The following PKHD1 variants were observed in gnomAD, a reference collection of about 807,000 sequenced individuals.
PKHD1 encodes the protein fibrocystin.
PKHD1 carries 291 observed loss-of-function variants against 412.0 expected under a neutral mutation model. The ratio of observed to expected loss-of-function variants is 0.71; its 90% confidence interval spans 0.64 to 0.78. PKHD1 has a LOEUF of 0.78. Ranked by LOEUF, PKHD1 falls within the 30% of genes least tolerant of loss-of-function variation. PKHD1 has a pLI of 0.00. For missense variants in PKHD1, 4,825 were observed against 4,950.7 expected (o/e 0.97, Z 0.76); for synonymous variants, 1,777 against 1,821.5 (o/e 0.98, Z 0.62).
intron 13 of PKHD1, among the ~76,000 whole-genome samples, chr6:52,064,485 T>C (rs1350331881): frequency 2.6e-5 from 4 of 152,202 alleles, no homozygotes; most frequent in Non-Finnish European, 5.9e-5. Context: ...AGCAGACAGA[T>C]GCCCACAAGA....
In PKHD1 at chr6:51,992,764, T is replaced by C. The variant is rs965685064; in HGVS notation, c.5751+17545A>G. Among the ~76,000 whole-genome samples, 2 of 152,232 alleles carry C rather than the reference T, an allele frequency of 1.3e-5. 1 individual carries two copies. Among genetic ancestry groups the C allele is most frequent in the South Asian group, 4.1e-4 (2 of 4,834 alleles). On this transcript the variant is annotated intron_variant, in intron 35 of 66. Coordinates refer to ENST00000371117, the MANE Select transcript of PKHD1 (RefSeq NM_138694.4). ...CCAGGAGCAGTGCATTGTTAACTTA[T>C]CAGACACATTAATAAATTCCTATCT...
chr6:51,685,664 C>T (rs1368915657), intron 60 of PKHD1, among the ~76,000 whole-genome samples: 1 of 152,070 alleles, frequency 6.6e-6, no homozygotes, highest in Admixed American at 6.6e-5. Context: ...TAACCTAAGG[C>T]CCCTTGCCAG....
chr6:51,662,174 T>C (rs1037763943), intron 60 of PKHD1, among the ~76,000 whole-genome samples: 19 of 151,780 alleles, frequency 1.3e-4, no homozygotes, highest in Admixed American at 3.9e-4. Flanking sequence ...TAGTGTTAAA[T>C]GCTCATATAA....
chr6:52,002,167 C>T (rs1023374573), intron 35 of PKHD1, among the ~76,000 whole-genome samples: 1 of 150,372 alleles, frequency 6.7e-6, no homozygotes, highest in Non-Finnish European at 1.5e-5. Flanking sequence ...CTCACAACTA[C>T]TATATCATAA....
chr6:51,984,941 G>A (rs995874416), intron 35 of PKHD1, among the ~76,000 whole-genome samples: 3 of 151,338 alleles, frequency 2.0e-5, no homozygotes, highest in African/African-American at 7.3e-5. Flanking sequence ...TACAACTAGA[G>A]AAAAAATAAG....
intron 21 of PKHD1, among the ~76,000 whole-genome samples, 200 bp downstream of exon 21, chr6:52,052,876 G>T (rs1018306225): frequency 6.6e-6 from 1 of 151,960 alleles, no homozygotes; most frequent in South Asian, 2.1e-4. Context: ...AAAATCGTGG[G>T]GAAAATAGGA....
chr6:51,989,240 A>G (rs1343609646), intron 35 of PKHD1, among the ~76,000 whole-genome samples: 1 of 152,238 alleles, frequency 6.6e-6, no homozygotes. Flanking sequence ...AAAAACTTAT[A>G]CTAATTAAAG....
chr6:51,768,331 T>A (rs1211807717), intron 55 of PKHD1, among the ~76,000 whole-genome samples: 1 of 152,064 alleles, frequency 6.6e-6, no homozygotes, highest in African/African-American at 2.4e-5. Flanking sequence ...GTATTAGATT[T>A]GACATCTTTA....
At chr6:51,794,971 C>A (rs778006337) in intron 52 of PKHD1, among the ~76,000 whole-genome samples, 1 of 152,232 alleles carries the variant, frequency 6.6e-6, no homozygotes, top group African/African-American at 2.4e-5. Flanking sequence ...ATGCCTCTAG[C>A]TTTTCTCTTT....
In PKHD1 at chr6:51,937,679, A is replaced by G. The variant is rs1052589661; in HGVS notation, c.5909-3357T>C. 2.6e-5 allele frequency among the ~76,000 whole-genome samples: 4 copies of G among 152,184 alleles called. No individual in the cohort carries two copies. The East Asian group carries it at 5.8e-4, about 22-fold the overall frequency. ...TCAAGGACCTTTTCTTTCAGTCACA[A>G]TTTAGAATGACACACCCCGCATAGG... is the stretch of plus-strand genomic sequence containing the variant. On this transcript the variant is annotated intron_variant, in intron 36 of 66. Transcript: ENST00000371117.
At chr6:51,649,810 T>C (rs624699) in intron 61 of PKHD1, among the ~76,000 whole-genome samples, 131,606 of 152,174 alleles carry the variant, frequency 0.86, 57,152 homozygotes, top group African/African-American at 0.94. Context: ...ATTTTCCGAG[T>C]GTGTTTGTAC....
At chr6:51,637,235 A>T (rs2150321245) in intron 64 of PKHD1, among the ~76,000 whole-genome samples, 1 of 152,304 alleles carries the variant, frequency 6.6e-6, no homozygotes, top group East Asian at 1.9e-4. Context: ...CAAAATATGC[A>T]TTCCTGCCTG....
chr6:51,656,055 C>A (rs905355594), intron 61 of PKHD1, among the ~76,000 whole-genome samples: 1 of 152,106 alleles, frequency 6.6e-6, no homozygotes, highest in East Asian at 1.9e-4. Flanking sequence ...ATGTTTATTG[C>A]AGCACTATTC....
rs910673089 is a variant in PKHD1 at position 51,635,863 on chromosome 6, G to C, written c.11506+2986C>G. ...AACTGTATTTGTGGTGAAGGTGGGG[G>C]GGGGCGGGGGGCCGGGGGCGGATTT... On this transcript the variant is annotated intron_variant, in intron 64 of 66. Transcript: ENST00000371117. 7.6e-3 allele frequency among the ~76,000 whole-genome samples: 873 copies of C among 115,060 alleles called. 31 individuals are homozygous for C. Among genetic ancestry groups the C allele is most frequent in the Non-Finnish European group, 0.014 (730 of 53,148 alleles). 75.5% of individuals were successfully genotyped at this position (115,060 alleles called of 152,430 possible). A position where few individuals can be genotyped will look rare whatever the true frequency, so the allele number is the denominator to read the frequency against.
Position 51,616,497 on chromosome 6 carries a change from CTT to C in PKHD1, c.*2582_*2583del, listed in dbSNP as rs1766076832. The C allele has an allele frequency of 2.6e-6, 1 of 391,278 alleles. No individual in the cohort carries two copies. The highest frequency in any genetic ancestry group is 2.1e-5 in the African/African-American group (1 of 48,174). The allele number at this position is 391,278 out of a possible 1,614,324, so 24.2% of individuals were successfully genotyped here. A position where few individuals can be genotyped will look rare whatever the true frequency, so the allele number is the denominator to read the frequency against. On this transcript the variant is annotated 3_prime_UTR_variant, in exon 67 of 67. Transcript: ENST00000371117. ...ACATGAATGAACATAGAGCTGCTCTCTTTGCTTTTGGTGTTTCCCTAATTCTC... is the reference window on the plus strand; with the variant it reads ...ACATGAATGAACATAGAGCTGCTCTCTGCTTTTGGTGTTTCCCTAATTCTC...
At chr6:51,864,325 G>A (rs1477456078) in intron 48 of PKHD1, among the ~76,000 whole-genome samples, 1 of 152,150 alleles carries the variant, frequency 6.6e-6, no homozygotes, top group Non-Finnish European at 1.5e-5. Context: ...GGGAATGGAT[G>A]GCAAGATCAG....
intron 52 of PKHD1, among the ~76,000 whole-genome samples, chr6:51,808,037 A>G (rs1202240528): frequency 2.6e-5 from 4 of 152,130 alleles, no homozygotes; most frequent in Non-Finnish European, 5.9e-5. Context: ...TACAATTTAA[A>G]AGGATGAATT....
rs373417862 is a variant in PKHD1, at chr6:51,744,439, C to G, written c.10102G>C (p.Val3368Leu). 3.1e-6 allele frequency: 5 copies of G among 1,613,728 alleles called. No homozygotes were observed. The highest frequency in any genetic ancestry group is 4.2e-6 in the Non-Finnish European group (5 of 1,179,748). ...DGRALGLPPPVSVFPKTEAEW... is the reference protein window; with the variant it reads ...DGRALGLPPPLSVFPKTEAEW... Reference sequence around the variant, plus strand: ...GCCTCTGTTTTAGGAAATACAGAAACTGGTGGAGGCAGACCCAGGGCTCTC... The same window carrying G: ...GCCTCTGTTTTAGGAAATACAGAAAGTGGTGGAGGCAGACCCAGGGCTCTC... Residue 3368 changes from valine (V) to leucine (L), a missense_variant, in exon 60 of 67, where the codon GTT (valine) becomes CTT (leucine). Coordinates refer to ENST00000371117, the MANE Select transcript of PKHD1 (RefSeq NM_138694.4).
At chr6:51,886,338 A>G (rs896062789) in intron 44 of PKHD1, among the ~76,000 whole-genome samples, 1 of 152,208 alleles carries the variant, frequency 6.6e-6, no homozygotes, top group Non-Finnish European at 1.5e-5. Flanking sequence ...AACTGTTATG[A>G]TCTAGAAAAT....
Sources: allele counts gnomAD v4.1 joint callset (sites outside exome capture counted in the v4.1 genomes callset), GRCh38; gene constraint gnomAD v4.1.1; transcripts MANE v1.5; gene names NCBI Gene and HGNC (gene_info 2026-07-23, HGNC 2026-07-21).